The following ASPH variants were observed in gnomAD, a reference collection of about 807,000 sequenced individuals.
ASPH encodes the protein aspartate beta-hydroxylase, also known as aspartyl/asparaginyl beta-hydroxylase.
In ASPH, 100 loss-of-function variants were observed where a neutral mutation model predicts 118.4. That is an observed-to-expected ratio of 0.84 (90% CI 0.72 to 1.00). The LOEUF (loss-of-function observed/expected upper bound fraction) is 1.00, where lower values mean the gene tolerates loss of function less well. ASPH is among the 50% of genes least tolerant of loss of function. The pLI is 0.00. For synonymous variants in ASPH, 315 were observed against 325.6 expected (o/e 0.97, Z 0.35); for missense variants, 920 against 919.5 (o/e 1.00, Z -0.01).
chr8:61,542,900 T>A (rs1822471069), intron 21 of ASPH, among the ~76,000 whole-genome samples: 1 of 152,202 alleles, frequency 6.6e-6, no homozygotes, highest in African/African-American at 2.4e-5. Context: ...TGTCATTCAT[T>A]GCCTTCTCTC....
intron 24 of ASPH, among the ~76,000 whole-genome samples, chr8:61,514,159 G>C (rs1446290697): frequency 6.6e-6 from 1 of 151,960 alleles, no homozygotes; most frequent in African/African-American, 2.4e-5. Flanking sequence ...AGCCCTCTGT[G>C]ACTTTGTGCT....
chr8:61,506,843 G>A (rs1169236606), intron 24 of ASPH, among the ~76,000 whole-genome samples: 2 of 152,138 alleles, frequency 1.3e-5, no homozygotes, highest in Non-Finnish European at 1.5e-5. Flanking sequence ...TTATGATGTT[G>A]TCTGCCTTCC....
intron 14 of ASPH, among the ~76,000 whole-genome samples, chr8:61,611,348 C>T (rs577452714): frequency 1.3e-5 from 2 of 152,328 alleles, no homozygotes; most frequent in South Asian, 4.1e-4. Context: ...AAAACTGCAA[C>T]ATTTTTTATG....
At chr8:61,599,060 A>C (rs1174809004) in intron 14 of ASPH, among the ~76,000 whole-genome samples, 1 of 152,214 alleles carries the variant, frequency 6.6e-6, no homozygotes, top group Non-Finnish European at 1.5e-5. Flanking sequence ...TCAAATAAAC[A>C]ACCTAATGAC....
chr8:61,681,796 C>T (rs1828210152), intron 2 of ASPH, among the ~76,000 whole-genome samples: 1 of 151,790 alleles, frequency 6.6e-6, no homozygotes, highest in Non-Finnish European at 1.5e-5. Context: ...CGTTTTTAGG[C>T]TTTAGTGCTT....
chr8:61,642,230 A>G (rs1038021370), intron 10 of ASPH, among the ~76,000 whole-genome samples: 2 of 152,212 alleles, frequency 1.3e-5, no homozygotes, highest in Non-Finnish European at 2.9e-5. Flanking sequence ...CATCTTTGAG[A>G]GTGGGATTAA....
intron 1 of ASPH, among the ~76,000 whole-genome samples, chr8:61,705,821 T>C (rs112448656): frequency 6.6e-6 from 1 of 151,758 alleles, no homozygotes; most frequent in African/African-American, 2.4e-5. Context: ...TACAGGCACA[T>C]GTAAATGTTT....
At chr8:61,571,235 T>C (rs1403399826) in intron 16 of ASPH, among the ~76,000 whole-genome samples, 3 of 152,174 alleles carry the variant, frequency 2.0e-5, no homozygotes, top group South Asian at 4.1e-4. Context: ...CAATAACACA[T>C]TGAAGCATAA....
chr8:61,520,458 G>A (rs1349546783), intron 22 of ASPH, among the ~76,000 whole-genome samples: 1 of 152,082 alleles, frequency 6.6e-6, no homozygotes, highest in Admixed American at 6.5e-5. Flanking sequence ...TACAAAAAAC[G>A]CAACTAAAAG....
intron 1 of ASPH, among the ~76,000 whole-genome samples, chr8:61,704,064 G>A (rs984757841): frequency 8.6e-5 from 13 of 150,356 alleles, no homozygotes; most frequent in East Asian, 3.9e-4. Flanking sequence ...GCGTAGTGGC[G>A]GGCGCCTGTA....
intron 3 of ASPH, chr8:61,663,424 T>C: frequency 1.0e-6 from 1 of 985,436 alleles, no homozygotes; most frequent in Non-Finnish European, 1.2e-6. Context: ...GTCTGGAGCC[T>C]GCTGAGGGCC....
intron 1 of ASPH, among the ~76,000 whole-genome samples, chr8:61,685,661 T>G (rs1830191394): frequency 6.6e-6 from 1 of 152,096 alleles, no homozygotes; most frequent in African/African-American, 2.4e-5. Flanking sequence ...TAAAAGGATA[T>G]ATGCATTTTT....
At chr8:61,508,746 C>T (rs997060961) in intron 24 of ASPH, among the ~76,000 whole-genome samples, 1 of 152,244 alleles carries the variant, frequency 6.6e-6, no homozygotes, top group African/African-American at 2.4e-5. Flanking sequence ...TGACTTAAGA[C>T]CATGGTCAAG....
intron 16 of ASPH, among the ~76,000 whole-genome samples, chr8:61,572,961 C>T (rs1833927089): frequency 6.6e-6 from 1 of 152,150 alleles, no homozygotes; most frequent in African/African-American, 2.4e-5. Flanking sequence ...ATTTAGAAAA[C>T]CCCATCGTCT....
intron 14 of ASPH, among the ~76,000 whole-genome samples, chr8:61,600,669 T>A: frequency 6.6e-6 from 1 of 150,522 alleles, no homozygotes; most frequent in Admixed American, 6.6e-5. Context: ...GCCAAGAAGG[T>A]AAAAGAGGAA....
At chr8:61,694,251 T>C (rs1352073136) in intron 1 of ASPH, among the ~76,000 whole-genome samples, 1 of 152,172 alleles carries the variant, frequency 6.6e-6, no homozygotes, top group South Asian at 2.1e-4. Flanking sequence ...CCTCGCACTC[T>C]GCACTGTCTC....
At chr8:61,622,002 A>G (rs1851115362) in intron 13 of ASPH, among the ~76,000 whole-genome samples, 1 of 152,226 alleles carries the variant, frequency 6.6e-6, no homozygotes, top group Non-Finnish European at 1.5e-5. Context: ...ATCTTTAAAT[A>G]TTGTCATGCA....
At chr8:61,636,610 C>T (rs1857892604) in intron 12 of ASPH, among the ~76,000 whole-genome samples, 1 of 152,174 alleles carries the variant, frequency 6.6e-6, no homozygotes, top group Admixed American at 6.5e-5. Flanking sequence ...ACTCCCTTAG[C>T]AGCCTCTGCT....
At chr8:61,578,606 G>A (rs1836181087) in intron 15 of ASPH, 1 of 1,535,152 alleles carries the variant, frequency 6.5e-7, no homozygotes, top group Non-Finnish European at 9.0e-7. Context: ...TGCAGCAGCA[G>A]AAGATGGCTC....
Sources: gnomAD v4.1 joint callset for allele counts (sites outside exome capture counted in the v4.1 genomes callset) on GRCh38, gnomAD v4.1.1 for gene constraint, MANE v1.5 for transcripts, NCBI Gene and HGNC (gene_info 2026-07-23, HGNC 2026-07-21) for gene names.